The following LSAMP variants were observed in gnomAD, a reference collection of about 807,000 sequenced individuals.
LSAMP encodes the protein limbic system-associated membrane protein.
Under a neutral mutation model 38.6 loss-of-function variants are expected in LSAMP, and 7 were observed. That is an observed-to-expected ratio of 0.18 (90% CI 0.10 to 0.34). LSAMP has a LOEUF of 0.34. Ranked by LOEUF, LSAMP falls within the 10% of genes least tolerant of loss-of-function variation. The pLI, the probability that LSAMP is intolerant of heterozygous loss-of-function variation, is 1.00. For missense variants in LSAMP, 313 were observed against 420.0 expected (o/e 0.75, Z 2.23); for synonymous variants, 154 against 166.8 (o/e 0.92, Z 0.59).
intron 1 of LSAMP, among the ~76,000 whole-genome samples, chr3:116,184,358 C>A (rs1475370625): frequency 6.6e-6 from 1 of 151,880 alleles, no homozygotes. Flanking sequence ...GGGTATAAAT[C>A]CTGGCAGTTG....
chr3:116,209,555 G>C (rs2046124534), intron 1 of LSAMP, among the ~76,000 whole-genome samples: 1 of 152,086 alleles, frequency 6.6e-6, no homozygotes, highest in South Asian at 2.1e-4. Flanking sequence ...GATATGTTTT[G>C]TGTACACTGT....
At chr3:115,857,715 C>T (rs1252725013) in intron 3 of LSAMP, among the ~76,000 whole-genome samples, 1 of 152,216 alleles carries the variant, frequency 6.6e-6, no homozygotes, top group Non-Finnish European at 1.5e-5. Context: ...ACTTCTCATC[C>T]TCCTCAGTGT....
intron 1 of LSAMP, among the ~76,000 whole-genome samples, chr3:116,113,418 A>ATTTTT (rs1409685565): frequency 1.6e-4 from 9 of 55,496 alleles, no homozygotes; most frequent in Admixed American, 2.7e-4. Context: ...ATATATATAT[A>ATTTTT]TATTTTTTTT....
chr3:115,912,622 A>G (rs1037231724), intron 3 of LSAMP, among the ~76,000 whole-genome samples: 5 of 152,172 alleles, frequency 3.3e-5, no homozygotes, highest in South Asian at 2.1e-4. Flanking sequence ...TGGGCTCCAC[A>G]CTTGACCTTT....
chr3:116,241,709 G>T (rs542797281), intron 1 of LSAMP, among the ~76,000 whole-genome samples: 2 of 152,272 alleles, frequency 1.3e-5, no homozygotes, highest in South Asian at 2.1e-4. Flanking sequence ...TCCCCAGTTT[G>T]CTAGCCATAT....
intron 3 of LSAMP, among the ~76,000 whole-genome samples, chr3:115,904,458 T>C (rs538760851): frequency 5.3e-5 from 8 of 152,236 alleles, no homozygotes; most frequent in Admixed American, 2.6e-4. Context: ...CTACTCAACA[T>C]TGAAGGAAAA....
At chr3:116,207,240 T>C (rs1459179766) in intron 1 of LSAMP, among the ~76,000 whole-genome samples, 1 of 152,162 alleles carries the variant, frequency 6.6e-6, no homozygotes, top group Non-Finnish European at 1.5e-5. Context: ...TGCCTTTTTC[T>C]GTTTTCCATT....
chr3:116,000,091 C>A (rs115728079), intron 3 of LSAMP, among the ~76,000 whole-genome samples: 1 of 152,088 alleles, frequency 6.6e-6, no homozygotes, highest in South Asian at 2.1e-4. Flanking sequence ...CAGATAATTA[C>A]CCAGTATCAA....
chr3:116,277,043 C>G (rs1339835419), intron 1 of LSAMP, among the ~76,000 whole-genome samples: 2 of 152,092 alleles, frequency 1.3e-5, no homozygotes, highest in Non-Finnish European at 2.9e-5. Context: ...AGAACAGAGG[C>G]AGTAGTGGCA....
At chr3:116,351,019 C>A (rs1438737106) in intron 1 of LSAMP, among the ~76,000 whole-genome samples, 1 of 151,940 alleles carries the variant, frequency 6.6e-6, no homozygotes, top group Non-Finnish European at 1.5e-5. Context: ...GATGACTATA[C>A]CCATTTTTGC....
chr3:116,291,637 C>T (rs1471013727), intron 1 of LSAMP, among the ~76,000 whole-genome samples: 1 of 152,162 alleles, frequency 6.6e-6, no homozygotes, highest in African/African-American at 2.4e-5. Flanking sequence ...TCTAAACTTT[C>T]ACTTCAGATC....
chr3:116,222,526 G>T (rs2046297696), intron 1 of LSAMP, among the ~76,000 whole-genome samples: 1 of 151,944 alleles, frequency 6.6e-6, no homozygotes, highest in South Asian at 2.1e-4. Flanking sequence ...TTCAGTCTGG[G>T]TGTGAAGTCC....
At chr3:116,000,634 A>G (rs959362401) in intron 3 of LSAMP, among the ~76,000 whole-genome samples, 1 of 152,178 alleles carries the variant, frequency 6.6e-6, no homozygotes, top group African/African-American at 2.4e-5. Flanking sequence ...TCTATGAATT[A>G]TAACACATGG....
At chr3:116,212,735 T>A (rs972699627) in intron 1 of LSAMP, among the ~76,000 whole-genome samples, 2 of 152,194 alleles carry the variant, frequency 1.3e-5, no homozygotes, top group African/African-American at 4.8e-5. Context: ...CCTTATGGCA[T>A]TCTTCCTAAG....
At chr3:116,377,523 T>C (rs866976666) in intron 1 of LSAMP, among the ~76,000 whole-genome samples, 4 of 152,184 alleles carry the variant, frequency 2.6e-5, no homozygotes, top group Middle Eastern at 3.4e-3. Context: ...CTATTTTGAA[T>C]AGTGCTGCAA....
Position 116,208,487 on chromosome 3 carries a change from G to A in LSAMP, c.156-121931C>T, listed in dbSNP as rs537860417. Among the ~76,000 whole-genome samples the A allele has an allele frequency of 5.9e-5, 9 of 152,320 alleles. No homozygotes were observed. The South Asian group carries it at 1.5e-3, about 25-fold the overall frequency. The stretch of plus-strand genomic sequence containing the variant: ...AGGAGGAGAAGCGCTCTGCTTTTTA[G>A]AGTTTCCCGTTTTTCTGTTCTGTTT... On this transcript the variant is annotated intron_variant, in intron 1 of 6. Transcript: ENST00000490035.
Position 115,875,995 on chromosome 3 carries a change from AT to A in LSAMP, c.515-23379del, listed in dbSNP as rs549130918. Among the ~76,000 whole-genome samples, 244 of 151,900 alleles carry A rather than the reference AT, an allele frequency of 1.6e-3. 3 individuals carry two copies. Among genetic ancestry groups the A allele is most frequent in the African/African-American group, 5.7e-3 (235 of 41,466 alleles). On this transcript the variant is annotated intron_variant, in intron 3 of 6. Transcript: ENST00000490035. ...CCTAACTTCCACAAACAGGTAATTG[AT>A]TTTTTTCTTTTATTTTAATTCTTAG...
chr3:116,430,768 G>C (rs948778257), intron 1 of LSAMP, among the ~76,000 whole-genome samples: 1 of 151,932 alleles, frequency 6.6e-6, no homozygotes, highest in Non-Finnish European at 1.5e-5. Context: ...TAATTGATAG[G>C]GGGATACTTA....
chr3:115,835,690 A>G (rs550464938), intron 6 of LSAMP, among the ~76,000 whole-genome samples: 3 of 152,346 alleles, frequency 2.0e-5, no homozygotes, highest in African/African-American at 7.2e-5. Flanking sequence ...TAAAAAGAGT[A>G]GATTTTACCT....
Sources: gnomAD v4.1 joint callset for allele counts (sites outside exome capture counted in the v4.1 genomes callset) on GRCh38, gnomAD v4.1.1 for gene constraint, MANE v1.5 for transcripts, NCBI Gene and HGNC (gene_info 2026-07-23, HGNC 2026-07-21) for gene names.